Variants in TMTC2 observed in about 807,000 individuals in gnomAD.
TMTC2 encodes protein O-mannosyl-transferase TMTC2.
A neutral mutation model predicts 82.4 loss-of-function variants in TMTC2; 43 were observed. The ratio of observed to expected loss-of-function variants is 0.52; its 90% CI spans 0.41 to 0.67. TMTC2 has a LOEUF of 0.67. Among genes scored for constraint, TMTC2 ranks in the 30% least tolerant of loss-of-function variants. The pLI is 0.00. For missense variants in TMTC2, 919 were observed against 1,012.4 expected (o/e 0.91, Z 1.25); for synonymous variants, 408 against 381.9 (o/e 1.07, Z -0.80).
intron 2 of TMTC2, among the ~76,000 whole-genome samples, chr12:82,858,953 A>G (rs1030725833): frequency 6.6e-6 from 1 of 152,200 alleles, no homozygotes; most frequent in Non-Finnish European, 1.5e-5. Flanking sequence ...AAGTACAACT[A>G]GGAGAAGTGT....
intron 1 of TMTC2, among the ~76,000 whole-genome samples, chr12:82,844,781 G>T (rs1870543796): frequency 6.6e-6 from 1 of 150,608 alleles, no homozygotes; most frequent in Non-Finnish European, 1.5e-5. Context: ...CAGCCTGGGC[G>T]ATAGAGTGAG....
At position 82,965,972 on chromosome 12, in the gene TMTC2, C is replaced by G. The variant is rs148125670; in HGVS notation, c.1869+228C>G. 7.3e-6 allele frequency: 4 copies of G among 546,530 alleles called. No individual in the cohort carries two copies. In the South Asian group the frequency reaches 8.1e-5, roughly 11 times the overall value. The allele number at this position is 546,530 out of a possible 1,614,324, so 33.9% of individuals were successfully genotyped here. A position where few individuals can be genotyped will look rare whatever the true frequency, so the allele number is the denominator to read the frequency against. The stretch of plus-strand genomic sequence containing the variant: ...AAATAAAAATTTAATAGATTTCTTT[C>G]CTGTGAGTTTCTCAGAGCAATTATG... On this transcript the variant is annotated intron_variant, in intron 6 of 11. Coordinates refer to ENST00000321196, the MANE Select transcript of TMTC2 (RefSeq NM_152588.3).
At chr12:82,803,391 C>G (rs1040952958) in intron 1 of TMTC2, among the ~76,000 whole-genome samples, 1 of 152,126 alleles carries the variant, frequency 6.6e-6, no homozygotes, top group Non-Finnish European at 1.5e-5. Flanking sequence ...ATCACAAGGC[C>G]TCTCTGAAAA....
At chr12:82,925,605 G>A (rs1353178952) in intron 3 of TMTC2, among the ~76,000 whole-genome samples, 1 of 152,026 alleles carries the variant, frequency 6.6e-6, no homozygotes, top group Non-Finnish European at 1.5e-5. Flanking sequence ...TCATGTCTCT[G>A]TCATATTTTG....
chr12:82,845,777 G>A (rs1209670395), intron 1 of TMTC2, among the ~76,000 whole-genome samples: 3 of 151,964 alleles, frequency 2.0e-5, no homozygotes, highest in Admixed American at 1.3e-4. Context: ...TTAGAGTGTG[G>A]TATTTCTCAT....
intron 7 of TMTC2, among the ~76,000 whole-genome samples, chr12:82,984,413 C>CGG (rs1879066899): frequency 1.3e-5 from 2 of 152,098 alleles, no homozygotes; most frequent in South Asian, 4.1e-4. Context: ...AGACTCAAAC[C>CGG]AATTCACTTC....
intron 1 of TMTC2, among the ~76,000 whole-genome samples, chr12:82,731,132 C>A (rs1273872904): frequency 6.6e-6 from 1 of 152,144 alleles, no homozygotes; most frequent in Non-Finnish European, 1.5e-5. Context: ...GAAAAAAAAT[C>A]GAGTATTGGC....
At chr12:82,760,184 AT>A (rs1876536796) in intron 1 of TMTC2, 1 of 1,928 alleles carries the variant, frequency 5.2e-4, no homozygotes, top group African/African-American at 7.1e-4. Flanking sequence ...AATTGGGGTT[AT>A]TTTTTTGTAT....
At chr12:82,856,879 A>G (rs1176612587) in intron 1 of TMTC2, 131 bp from the exon 2 acceptor site, 11 of 860,700 alleles carry the variant, frequency 1.3e-5, no homozygotes, top group East Asian at 2.5e-5. Context: ...TTCAGCTTAT[A>G]TGTGCCTGGA....
chr12:83,036,476 GTCTT>G (rs1338705820), intron 9 of TMTC2, among the ~76,000 whole-genome samples: 4 of 140,594 alleles, frequency 2.8e-5, no homozygotes, highest in African/African-American at 1.1e-4. Context: ...TTGTCCCCGA[GTCTT>G]TTTTTTTTTT....
chr12:82,945,092 G>A (rs1056718480), intron 4 of TMTC2, among the ~76,000 whole-genome samples: 6 of 152,114 alleles, frequency 3.9e-5, no homozygotes, highest in Non-Finnish European at 8.8e-5. Flanking sequence ...AATGGAAATT[G>A]GTGTCTAGAA....
chr12:82,928,069 T>G (rs1592633684), intron 3 of TMTC2, among the ~76,000 whole-genome samples: 1 of 152,328 alleles, frequency 6.6e-6, no homozygotes, highest in Non-Finnish European at 1.5e-5. Flanking sequence ...AGTTTATTAT[T>G]TATTTGAGAT....
At chr12:82,827,079 T>C (rs1205126910) in intron 1 of TMTC2, among the ~76,000 whole-genome samples, 3 of 152,188 alleles carry the variant, frequency 2.0e-5, no homozygotes, top group African/African-American at 7.2e-5. Flanking sequence ...CTCCCTATAA[T>C]TTTATTATGT....
intron 3 of TMTC2, among the ~76,000 whole-genome samples, chr12:82,929,048 C>T (rs1380438816): frequency 6.6e-6 from 1 of 151,954 alleles, no homozygotes; most frequent in Non-Finnish European, 1.5e-5. Context: ...TACCATGTTT[C>T]AGGCACTGTG....
chr12:82,888,458 CTT>C (rs1167993475), intron 2 of TMTC2, among the ~76,000 whole-genome samples: 1 of 152,104 alleles, frequency 6.6e-6, no homozygotes, highest in Non-Finnish European at 1.5e-5. Context: ...AGACTTTTGA[CTT>C]TGTTTTTTTA....
At chr12:82,806,247 G>T (rs1879235887) in intron 1 of TMTC2, among the ~76,000 whole-genome samples, 2 of 152,050 alleles carry the variant, frequency 1.3e-5, no homozygotes, top group South Asian at 4.1e-4. Flanking sequence ...AACTCTGACA[G>T]CATTTTTTTA....
chr12:82,728,345 AG>A (rs1291289781), intron 1 of TMTC2, among the ~76,000 whole-genome samples: 3 of 152,080 alleles, frequency 2.0e-5, no homozygotes, highest in African/African-American at 7.2e-5. Context: ...TTTTATAAAA[AG>A]GTTTTTTTTT....
chr12:82,924,624 C>T (rs1411253912), intron 3 of TMTC2, among the ~76,000 whole-genome samples: 7 of 152,136 alleles, frequency 4.6e-5, no homozygotes, highest in African/African-American at 1.4e-4. Flanking sequence ...GACTTTGCCT[C>T]AGTTAACCTT....
intron 1 of TMTC2, among the ~76,000 whole-genome samples, chr12:82,807,031 A>C (rs1203479857): frequency 6.6e-6 from 1 of 152,148 alleles, no homozygotes; most frequent in Non-Finnish European, 1.5e-5. Context: ...TGTACGATTG[A>C]CAGCTGTTTG....
Sources: allele counts gnomAD v4.1 joint callset (sites outside exome capture counted in the v4.1 genomes callset), GRCh38; gene constraint gnomAD v4.1.1; transcripts MANE v1.5; gene names NCBI Gene and HGNC (gene_info 2026-07-23, HGNC 2026-07-21).